The following UQCRHL variants were observed in gnomAD, a reference collection of about 807,000 sequenced individuals.
The protein encoded by UQCRHL is ubiquinol-cytochrome c reductase hinge protein like, also known as cytochrome b-c1 complex subunit 6-like, mitochondrial.
UQCRHL carries 1 observed loss-of-function variant against 2.2 expected under a neutral mutation model. The observed-to-expected ratio is 0.46, with a 90% CI of 0.16 to 2.18. UQCRHL has a LOEUF of 2.18. Among genes scored for constraint, UQCRHL ranks in the 30% most tolerant of loss-of-function variants. The pLI is 0.27. For synonymous variants in UQCRHL, 46 were observed against 44.6 expected, an observed-to-expected ratio of 1.03 and a Z score of -0.13; for missense variants, 114 against 108.6, an observed-to-expected ratio of 1.05 and a Z score of -0.22.
At chr1:15,807,418 T>A in the UQCRHL span, 2 of 1,614,158 alleles carry the variant, frequency 1.2e-6, no homozygotes, top group Non-Finnish European at 1.7e-6. Context: ...CAATGGTCCT[T>A]TGCATGCAAG....
At chr1:15,807,473 A>G (rs749174985) in exon 1 of UQCRHL, 2 of 1,614,168 alleles carry the variant, frequency 1.2e-6, no homozygotes, top group East Asian at 2.2e-5. Flanking sequence ...TATGTGATCG[A>G]GAGGATACAT....
rs113181596 is a variant in UQCRHL, at chr1:15,807,409, A to C, written c.241T>G (p.Cys81Gly). ...TTGTTAAAGAGTTTGTGGGCCACGCAATGGTCCTTTGCATGCAAGAAGTCA... is the reference window on the plus strand; with the variant it reads ...TTGTTAAAGAGTTTGTGGGCCACGCCATGGTCCTTTGCATGCAAGAAGTCA... The change falls in exon 1 of 1, where the codon TGC (cysteine) becomes GGC (glycine). Residue 81 changes from cysteine to glycine, a missense_variant. Cys to Gly is a radical substitution (Grantham distance 159). Coordinates refer to ENST00000483273, the Ensembl canonical transcript of UQCRHL. 18 of 1,614,174 alleles carry C rather than the reference A, an allele frequency of 1.1e-5. No homozygotes were observed. In the African/African-American group the frequency reaches 1.2e-4, roughly 11 times the overall value.
At chr1:15,807,472 G>A in the UQCRHL span, 7 of 1,614,120 alleles carry the variant, frequency 4.3e-6, no homozygotes, top group Non-Finnish European at 5.9e-6. Flanking sequence ...GTATGTGATC[G>A]AGAGGATACA....
exon 1 of UQCRHL, chr1:15,807,574 A>G (rs1346108517): frequency 6.2e-7 from 1 of 1,614,048 alleles, no homozygotes; most frequent in South Asian, 1.1e-5. Flanking sequence ...GGATCCACTA[A>G]TTCCTCCTCT....
chr1:15,807,386 G>A (rs1458428864), exon 1 of UQCRHL: 1 of 1,613,964 alleles, frequency 6.2e-7, no homozygotes. Context: ...ATTTCAAGTT[G>A]TTAAAGAGTT....
chr1:15,807,540 C>T (rs1432100430), exon 1 of UQCRHL: 1 of 1,614,178 alleles, frequency 6.2e-7, no homozygotes, highest in Non-Finnish European at 8.5e-7. Flanking sequence ...CAACTGCTCG[C>T]ATTGCTCTCT....
chr1:15,807,419 T>G (rs10722), exon 1 of UQCRHL: 2 of 1,614,190 alleles, frequency 1.2e-6, no homozygotes, highest in Non-Finnish European at 8.5e-7. Context: ...AATGGTCCTT[T>G]GCATGCAAGA....
chr1:15,807,586 C>G, exon 1 of UQCRHL: 1 of 1,614,198 alleles, frequency 6.2e-7, no homozygotes, highest in Middle Eastern at 1.6e-4. Context: ...TCCTCCTCTT[C>G]CTCTTCCTCC....
At chr1:15,807,563 G>A (rs556877255) in exon 1 of UQCRHL, 1 of 1,613,994 alleles carries the variant, frequency 6.2e-7, no homozygotes, top group African/African-American at 1.3e-5. Flanking sequence ...CTGTTGTTAG[G>A]GGATCCACTA....
the UQCRHL span, chr1:15,807,415 C>CA: frequency 6.2e-7 from 1 of 1,614,040 alleles, no homozygotes; most frequent in East Asian, 2.2e-5. Flanking sequence ...ACGCAATGGT[C>CA]CTTTGCATGC....
At chr1:15,807,521 A>G (rs2069939438) in exon 1 of UQCRHL, 1 of 1,614,098 alleles carries the variant, frequency 6.2e-7, no homozygotes, top group East Asian at 2.2e-5. Flanking sequence ...GGGCCTTTAC[A>G]CATTTCTCCA....
exon 1 of UQCRHL, chr1:15,807,592 C>T: frequency 6.2e-7 from 1 of 1,614,094 alleles, no homozygotes. Context: ...TCTTCCTCTT[C>T]CTCCTCCTCA....
Position 15,807,590 on chromosome 1 carries a change from T to C in UQCRHL, c.60A>G (p.Glu20=), listed in dbSNP as rs559466592. The change falls in exon 1 of 1, where the codon GAA becomes GAG. Residue 20 remains glutamate (E), a synonymous_variant. Coordinates refer to ENST00000483273, the Ensembl canonical transcript of UQCRHL. ...GATCCACTAATTCCTCCTCTTCCTC[T>C]TCCTCCTCCTCAGGATCTCCGGATT... 13 of 1,614,162 alleles carry C rather than the reference T, an allele frequency of 8.1e-6. No individual in the cohort carries two copies. The South Asian group carries it at 1.3e-4, about 16-fold the overall frequency.
chr1:15,807,489 T>C, exon 1 of UQCRHL: 2 of 1,614,156 alleles, frequency 1.2e-6, no homozygotes, highest in Non-Finnish European at 1.7e-6. Flanking sequence ...TACATGCTCA[T>C]CATAGAGCTC....
At chr1:15,807,423 T>C in exon 1 of UQCRHL, 1 of 1,614,196 alleles carries the variant, frequency 6.2e-7, no homozygotes, top group Non-Finnish European at 8.5e-7. Flanking sequence ...GTCCTTTGCA[T>C]GCAAGAAGTC....
chr1:15,807,472 G>T (rs2069938723), exon 1 of UQCRHL: 1 of 1,614,120 alleles, frequency 6.2e-7, no homozygotes, highest in Non-Finnish European at 8.5e-7. Flanking sequence ...GTATGTGATC[G>T]AGAGGATACA....
rs754903792 is a variant in UQCRHL at position 15,807,534 on chromosome 1, T to C, written c.116A>G (p.Gln39Arg). The C allele has an allele frequency of 1.1e-5, 18 of 1,614,066 alleles. No individual in the cohort carries two copies. The highest frequency in any genetic ancestry group is 1.7e-5 in the Admixed American group (1 of 59,996). Residue 39 changes from glutamine (Q) to arginine (R), a missense_variant, in exon 1 of 1, where the codon CAG (glutamine) becomes CGG (arginine). Transcript: ENST00000483273. The stretch of plus-strand genomic sequence containing the variant: ...CCGGGCCTTTACACATTTCTCCAAC[T>C]GCTCGCATTGCTCTCTCACTGTTGT...
exon 1 of UQCRHL, chr1:15,807,384 T>C (rs776728590): frequency 1.9e-6 from 3 of 1,614,106 alleles, no homozygotes. Context: ...TTATTTCAAG[T>C]TGTTAAAGAG....
exon 1 of UQCRHL, chr1:15,807,492 T>A: frequency 6.2e-7 from 1 of 1,613,944 alleles, no homozygotes; most frequent in Non-Finnish European, 8.5e-7. Flanking sequence ...ATGCTCATCA[T>A]AGAGCTCTAG....
Sources: allele counts gnomAD v4.1 joint callset, GRCh38; gene constraint gnomAD v4.1.1; transcripts MANE v1.5; gene names NCBI Gene and HGNC (gene_info 2026-07-23, HGNC 2026-07-21).